The following GPC5 variants were observed in gnomAD, a reference collection of about 807,000 sequenced individuals.
GPC5 encodes glypican 5.
GPC5 carries 47 observed loss-of-function variants against 53.9 expected under a neutral mutation model. That is an observed-to-expected ratio of 0.87 (90% CI 0.69 to 1.11). The LOEUF (loss-of-function observed/expected upper bound fraction) is 1.11, where lower values mean the gene tolerates loss of function less well. Ranked by LOEUF, GPC5 falls within the 50% of genes most tolerant of loss-of-function variation. The pLI is 0.00. For synonymous variants in GPC5, 286 were observed against 263.3 expected, an observed-to-expected ratio of 1.09 and a Z score of -0.84; for missense variants, 748 against 713.1, an observed-to-expected ratio of 1.05 and a Z score of -0.56.
chr13:92,353,168 A>G (rs9589520), intron 7 of GPC5, among the ~76,000 whole-genome samples: 58,811 of 148,156 alleles, frequency 0.4, 11,811 homozygotes, highest in Middle Eastern at 0.5. Flanking sequence ...GCTGAGGCAG[A>G]AGAATGGCGT....
chr13:92,643,864 A>G (rs1296434684), intron 7 of GPC5, among the ~76,000 whole-genome samples: 1 of 132,496 alleles, frequency 7.5e-6, no homozygotes. Flanking sequence ...GTACCCTAAA[A>G]CTTAAAGTAT....
intron 7 of GPC5, among the ~76,000 whole-genome samples, chr13:92,464,704 TAATAGA>T (rs1878623209): frequency 6.6e-6 from 1 of 152,004 alleles, no homozygotes; most frequent in African/African-American, 2.4e-5. Flanking sequence ...ATATTGTTAT[TAATAGA>T]AATAGAAACT....
At chr13:92,030,435 C>T (rs533871794) in intron 6 of GPC5, among the ~76,000 whole-genome samples, 1 of 152,246 alleles carries the variant, frequency 6.6e-6, no homozygotes, top group South Asian at 2.1e-4. Context: ...GATCTTACGC[C>T]CTTCTTAATA....
chr13:91,452,804 C>CA (rs1449351536), intron 2 of GPC5, among the ~76,000 whole-genome samples: 3 of 151,538 alleles, frequency 2.0e-5, no homozygotes, highest in Admixed American at 2.0e-4. Context: ...ACATGACTTT[C>CA]AAAAAATAAA....
intron 1 of GPC5, among the ~76,000 whole-genome samples, chr13:91,438,889 G>A (rs1250239084): frequency 1.3e-5 from 2 of 152,214 alleles, no homozygotes; most frequent in Non-Finnish European, 2.9e-5. Flanking sequence ...CCTCGCTGCT[G>A]CCTTGCAGTT....
At chr13:92,829,767 C>G (rs369763221) in intron 7 of GPC5, among the ~76,000 whole-genome samples, 79 of 152,196 alleles carry the variant, frequency 5.2e-4, no homozygotes, top group Non-Finnish European at 1.0e-3. Context: ...TCATTAGAGT[C>G]AAATCTCTAT....
chr13:92,017,687 A>G (rs2040718918), intron 6 of GPC5, among the ~76,000 whole-genome samples: 2 of 152,168 alleles, frequency 1.3e-5, no homozygotes, highest in Admixed American at 1.3e-4. Flanking sequence ...AGAAATCATA[A>G]GACCCATGTG....
intron 7 of GPC5, among the ~76,000 whole-genome samples, chr13:92,847,169 C>G (rs75623234): frequency 0.016 from 2,482 of 152,246 alleles, 77 homozygotes; most frequent in African/African-American, 0.057. Context: ...CAATGTTTAT[C>G]CCTTAGAGAA....
chr13:91,424,555 C>T (rs549316876), intron 1 of GPC5, among the ~76,000 whole-genome samples: 13 of 151,872 alleles, frequency 8.6e-5, no homozygotes, highest in East Asian at 3.9e-4. Context: ...TAAGTAGAGA[C>T]GGGGTTTCAT....
At chr13:92,234,719 G>A (rs1438170736) in intron 7 of GPC5, among the ~76,000 whole-genome samples, 1 of 151,996 alleles carries the variant, frequency 6.6e-6, no homozygotes, top group Non-Finnish European at 1.5e-5. Flanking sequence ...CTGGTGATAA[G>A]GGTTATTTAT....
intron 6 of GPC5, among the ~76,000 whole-genome samples, chr13:91,940,476 G>A (rs1440423666): frequency 6.6e-6 from 1 of 152,092 alleles, no homozygotes; most frequent in Non-Finnish European, 1.5e-5. Flanking sequence ...TGTCCTTTTA[G>A]TAGAATAATT....
At chr13:91,575,354 T>C (rs910445663) in intron 2 of GPC5, among the ~76,000 whole-genome samples, 3 of 152,154 alleles carry the variant, frequency 2.0e-5, no homozygotes, top group African/African-American at 7.2e-5. Context: ...GAGTCAGATG[T>C]ATTTGTTCTA....
chr13:91,806,353 A>G (rs9301756), intron 5 of GPC5, among the ~76,000 whole-genome samples: 91,584 of 151,442 alleles, frequency 0.6, 28,164 homozygotes, highest in East Asian at 0.95. Context: ...TGAATTTTTT[A>G]TTTAGGGAAC....
At chr13:92,191,214 CAG>C (rs1478577007) in intron 7 of GPC5, among the ~76,000 whole-genome samples, 3 of 152,102 alleles carry the variant, frequency 2.0e-5, no homozygotes, top group Non-Finnish European at 2.9e-5. Flanking sequence ...CAAAATACGT[CAG>C]GCAAAGGCTG....
chr13:92,725,363 C>T (rs1366331786), intron 7 of GPC5, among the ~76,000 whole-genome samples: 2 of 151,382 alleles, frequency 1.3e-5, no homozygotes, highest in East Asian at 2.0e-4. Context: ...AAATGATAGG[C>T]GGCTGAGAAA....
intron 7 of GPC5, among the ~76,000 whole-genome samples, chr13:92,182,742 G>T (rs1046445704): frequency 6.6e-6 from 1 of 152,064 alleles, no homozygotes; most frequent in Non-Finnish European, 1.5e-5. Flanking sequence ...GGTGGTGGGC[G>T]CCTGCAGTCC....
chr13:91,952,874 T>C (rs959837255), intron 6 of GPC5, among the ~76,000 whole-genome samples: 9 of 152,096 alleles, frequency 5.9e-5, no homozygotes, highest in African/African-American at 1.7e-4. Context: ...TGGAGAAATT[T>C]TGATGATGTA....
intron 7 of GPC5, among the ~76,000 whole-genome samples, chr13:92,199,927 A>AT (rs2042282635): frequency 6.6e-6 from 1 of 152,188 alleles, no homozygotes. Flanking sequence ...TGCAATATAC[A>AT]TTTTTTAAAA....
At chr13:91,780,070 A>G (rs544848355) in intron 5 of GPC5, among the ~76,000 whole-genome samples, 1 of 152,302 alleles carries the variant, frequency 6.6e-6, no homozygotes, top group East Asian at 1.9e-4. Context: ...GCATCACACA[A>G]ACACCAAACA....
Sources: allele counts gnomAD v4.1 joint callset (sites outside exome capture counted in the v4.1 genomes callset), GRCh38; gene constraint gnomAD v4.1.1; transcripts MANE v1.5; gene names NCBI Gene and HGNC (gene_info 2026-07-23, HGNC 2026-07-21).